WDFY2: variants seen among roughly 807,000 people sequenced by gnomAD.
WDFY2 encodes the protein WD repeat and FYVE domain-containing protein 2.
A neutral mutation model predicts 56.4 loss-of-function variants in WDFY2; 36 were observed. The observed-to-expected ratio is 0.64, with a 90% CI of 0.49 to 0.84. WDFY2 has a LOEUF of 0.84. Ranked by LOEUF, WDFY2 falls within the 40% of genes least tolerant of loss-of-function variation. The pLI, the probability that WDFY2 is intolerant of heterozygous loss-of-function variation, is 0.00. For synonymous variants in WDFY2, 176 were observed against 183.7 expected, an observed-to-expected ratio of 0.96 and a Z score of 0.34; for missense variants, 444 against 512.2, an observed-to-expected ratio of 0.87 and a Z score of 1.29.
chr13:51,673,370 G>C (rs1192966752), intron 2 of WDFY2, among the ~76,000 whole-genome samples: 1 of 152,186 alleles, frequency 6.6e-6, no homozygotes, highest in African/African-American at 2.4e-5. Context: ...TTCCTGGCTA[G>C]TCACTAGCCC....
At chr13:51,741,096 A>G (rs1455055727) in intron 7 of WDFY2, among the ~76,000 whole-genome samples, 3 of 152,238 alleles carry the variant, frequency 2.0e-5, no homozygotes, top group African/African-American at 7.2e-5. Flanking sequence ...TAGAAAAATA[A>G]AACTTTAACA....
intron 1 of WDFY2, chr13:51,586,936 T>G (rs1001695426): frequency 1.3e-5 from 2 of 152,198 alleles, no homozygotes; most frequent in Non-Finnish European, 2.9e-5. Context: ...TGGTTATGGT[T>G]TTCATTAAAA....
Position 51,679,956 on chromosome 13 carries a change from G to T in WDFY2, c.279+4713G>T, listed in dbSNP as rs573078496. 2.0e-5 allele frequency among the ~76,000 whole-genome samples: 3 copies of T among 151,942 alleles called. No individual in the cohort carries two copies. In the South Asian group the frequency reaches 6.2e-4, roughly 32 times the overall value. ...AAAACAAAACAAAACATGGAGTCTC[G>T]CTCTGTTGCCCACGCCAAAGAGCAG... is the stretch of plus-strand genomic sequence containing the variant. On this transcript the variant is annotated intron_variant, in intron 3 of 11. Coordinates refer to ENST00000298125, the MANE Select transcript of WDFY2 (RefSeq NM_052950.4).
chr13:51,685,550 T>C (rs1956046794), intron 3 of WDFY2, among the ~76,000 whole-genome samples: 1 of 152,020 alleles, frequency 6.6e-6, no homozygotes, highest in Non-Finnish European at 1.5e-5. Flanking sequence ...GAAAAGAAAA[T>C]GTGACTAAGA....
chr13:51,747,292 C>T (rs567592224), intron 7 of WDFY2, among the ~76,000 whole-genome samples: 5 of 152,316 alleles, frequency 3.3e-5, no homozygotes, highest in Admixed American at 1.3e-4. Flanking sequence ...TAACTCTTTC[C>T]TAAGAATTGT....
intron 4 of WDFY2, among the ~76,000 whole-genome samples, chr13:51,711,560 C>G (rs1719406345): frequency 6.6e-6 from 1 of 152,186 alleles, no homozygotes; most frequent in African/African-American, 2.4e-5. Context: ...GGCTAATACC[C>G]AGAATCTACA....
intron 1 of WDFY2, among the ~76,000 whole-genome samples, chr13:51,612,897 C>T (rs1428810524): frequency 2.6e-5 from 4 of 152,090 alleles, no homozygotes; most frequent in African/African-American, 9.7e-5. Flanking sequence ...GGACAGTGTT[C>T]AATGTGAGTA....
chr13:51,584,792 A>AG lies in WDFY2; in HGVS notation c.106dup (p.Glu36GlyfsTer42). On this transcript the variant is annotated frameshift_variant, in exon 1 of 12. Transcript: ENST00000298125. LOFTEE classifies it high-confidence loss of function. ...TGAATATGGCCGTGATCGTGCCCAA[A>AG]GAGGAGGGCGTCATCAGCGTCTCCG... is the stretch of plus-strand genomic sequence containing the variant. The AG allele has an allele frequency of 6.2e-7, 1 of 1,613,878 alleles. No homozygotes were observed. Among genetic ancestry groups the AG allele is most frequent in the African/African-American group, 1.3e-5 (1 of 75,048 alleles).
chr13:51,604,383 C>T (rs1954345877), intron 1 of WDFY2, among the ~76,000 whole-genome samples: 1 of 152,094 alleles, frequency 6.6e-6, no homozygotes, highest in South Asian at 2.1e-4. Context: ...GAGAAGAGGC[C>T]ATTTTCATGG....
intron 1 of WDFY2, among the ~76,000 whole-genome samples, chr13:51,628,802 G>T (rs111970515): frequency 1.3e-5 from 2 of 152,168 alleles, no homozygotes; most frequent in South Asian, 4.1e-4. Flanking sequence ...TGTCTAAAAA[G>T]GGCCTTAGAA....
rs1953561272 is a variant in WDFY2 at position 51,760,872 on chromosome 13, T to C, written c.*1103T>C. 6.6e-6 allele frequency: 1 copy of C among 152,280 alleles called. No individual in the cohort carries two copies. Among genetic ancestry groups the C allele is most frequent in the Non-Finnish European group, 1.5e-5 (1 of 68,048 alleles). The allele number at this position is 152,280 out of a possible 1,614,324, so 9.4% of individuals were successfully genotyped here. A position where few individuals can be genotyped will look rare whatever the true frequency, so the allele number is the denominator to read the frequency against. On this transcript the variant is annotated 3_prime_UTR_variant, in exon 12 of 12. Transcript: ENST00000298125. Reference sequence around the variant, plus strand: ...GCAGTAACACTTGCTTGCCCACTGCTCACGTCTGATGGGTGCCCCCATTCC... The same window carrying C: ...GCAGTAACACTTGCTTGCCCACTGCCCACGTCTGATGGGTGCCCCCATTCC...
intron 1 of WDFY2, among the ~76,000 whole-genome samples, chr13:51,648,776 G>C (rs1955310419): frequency 6.6e-6 from 1 of 151,962 alleles, no homozygotes; most frequent in African/African-American, 2.4e-5. Context: ...TACAGAATAG[G>C]GCTGATATTT....
At chr13:51,585,039 G>A (rs971956107) in intron 1 of WDFY2, among the ~76,000 whole-genome samples, 9 of 152,232 alleles carry the variant, frequency 5.9e-5, no homozygotes, top group Non-Finnish European at 1.2e-4. Context: ...CGAGCGCTCC[G>A]GCTTCACCCC....
At chr13:51,705,464 C>G (rs1418474572) in intron 4 of WDFY2, among the ~76,000 whole-genome samples, 1 of 152,134 alleles carries the variant, frequency 6.6e-6, no homozygotes, top group Non-Finnish European at 1.5e-5. Context: ...TCCCTTCTCT[C>G]TTTTCCTGAG....
At chr13:51,607,747 A>G (rs894281195) in intron 1 of WDFY2, among the ~76,000 whole-genome samples, 1 of 152,202 alleles carries the variant, frequency 6.6e-6, no homozygotes, top group African/African-American at 2.4e-5. Flanking sequence ...ACAACAGTTC[A>G]GCAAATACTG....
At chr13:51,660,504 A>G (rs1955592208) in intron 1 of WDFY2, 92 bp from the exon 2 acceptor site, 2 of 1,271,296 alleles carry the variant, frequency 1.6e-6, no homozygotes, top group East Asian at 2.5e-5. Context: ...GCCTCTCTAT[A>G]TATAATATTA....
At chr13:51,690,197 T>TATATATA (rs58206936) in intron 3 of WDFY2, among the ~76,000 whole-genome samples, 1 of 149,378 alleles carries the variant, frequency 6.7e-6, no homozygotes. Context: ...TATATATATA[T>TATATATA]TTTTTTTATT....
chr13:51,756,398 C>G lies in WDFY2; in HGVS notation c.1000C>G (p.Leu334Val), dbSNP rs145751838. The G allele has an allele frequency of 2.5e-6, 4 of 1,614,056 alleles. No individual in the cohort carries two copies. The highest frequency in any genetic ancestry group is 1.1e-5 in the South Asian group (1 of 91,086). The part of the protein sequence containing the change: ...KCSSKRSSIP[L>V]MGFEFEVRVC... ...CAGCTCCAAGCGCTCCTCCATCCCC[C>G]TGATGGGCTTCGAGTTTGAAGTGAG... Residue 334 changes from leucine (L) to valine (V), a missense_variant, in exon 10 of 12, where the codon CTG becomes GTG. Coordinates refer to ENST00000298125, the MANE Select transcript of WDFY2 (RefSeq NM_052950.4).
Position 51,667,879 on chromosome 13 carries a change from C to CTTTTTTTTTTT in WDFY2, c.205+7236_205+7246dup, listed in dbSNP as rs66771214. ...GAAGAAAAAGGTACCTGAGGAACTT[C>CTTTTTTTTTTT]TTTTTTTTTTTTTTTTTTTTTTTTT... On this transcript the variant is annotated intron_variant, in intron 2 of 11. Transcript: ENST00000298125. 6.0e-3 allele frequency among the ~76,000 whole-genome samples: 301 copies of CTTTTTTTTTTT among 50,084 alleles called. 56 individuals carry two copies. Among genetic ancestry groups the CTTTTTTTTTTT allele is most frequent in the Admixed American group, 0.012 (35 of 2,864 alleles). The allele number at this position is 50,084 out of a possible 152,430, so 32.9% of individuals were successfully genotyped here. A position where few individuals can be genotyped will look rare whatever the true frequency, so the allele number is the denominator to read the frequency against.
Sources: allele counts gnomAD v4.1 joint callset (sites outside exome capture counted in the v4.1 genomes callset), GRCh38; gene constraint gnomAD v4.1.1; transcripts MANE v1.5; gene names NCBI Gene and HGNC (gene_info 2026-07-23, HGNC 2026-07-21).